The following GFPT1 variants were observed in gnomAD, a reference collection of about 807,000 sequenced individuals.
GFPT1 encodes glutamine--fructose-6-phosphate transaminase 1, also known as glutamine--fructose-6-phosphate aminotransferase [isomerizing] 1.
A neutral mutation model predicts 92.0 loss-of-function variants in GFPT1; 40 were observed. The ratio of observed to expected loss-of-function variants is 0.43; its 90% CI spans 0.34 to 0.57. GFPT1 has a LOEUF of 0.57. Ranked by LOEUF, GFPT1 falls within the 20% of genes least tolerant of loss-of-function variation. The pLI is 0.02. For missense variants in GFPT1, 448 were observed against 869.1 expected, an observed-to-expected ratio of 0.52 and a Z score of 6.09; for synonymous variants, 269 against 280.6, an observed-to-expected ratio of 0.96 and a Z score of 0.41.
At chr2:69,360,041 A>G (rs1456120609) in intron 4 of GFPT1, among the ~76,000 whole-genome samples, 1 of 152,190 alleles carries the variant, frequency 6.6e-6, no homozygotes, top group East Asian at 1.9e-4. Context: ...AAAAACTACC[A>G]ATCCGGCTGA....
intron 4 of GFPT1, among the ~76,000 whole-genome samples, chr2:69,359,892 T>A (rs1671424996): frequency 1.3e-5 from 2 of 152,204 alleles, no homozygotes; most frequent in South Asian, 4.1e-4. Flanking sequence ...GTCAGAAACA[T>A]AAATGTTAAA....
At chr2:69,366,005 G>A (rs1180261773) in intron 3 of GFPT1, among the ~76,000 whole-genome samples, 1 of 151,184 alleles carries the variant, frequency 6.6e-6, no homozygotes, top group Admixed American at 6.6e-5. Flanking sequence ...GTACAGACAG[G>A]GTTTCACCAT....
At chr2:69,380,210 C>T (rs1280580350) in intron 1 of GFPT1, among the ~76,000 whole-genome samples, 3 of 151,920 alleles carry the variant, frequency 2.0e-5, no homozygotes, top group South Asian at 2.1e-4. Flanking sequence ...CATGGTGACG[C>T]GTGCCTGTCC....
Position 69,319,996 on chromosome 2 carries a change from C to A in GFPT1, c.*6193G>T, listed in dbSNP as rs1334320290. ...TATTTCTCTTGCCTAGAAGCTAAAG[C>A]CTTAATTGTCTCAGATATCTTCCAT... On this transcript the variant is annotated 3_prime_UTR_variant, in exon 20 of 20. Transcript: ENST00000357308. The A allele has an allele frequency of 1.1e-4, 16 of 152,130 alleles. No individual in the cohort carries two copies. Among genetic ancestry groups the A allele is most frequent in the Non-Finnish European group, 1.5e-4 (10 of 68,038 alleles). 9.4% of individuals were successfully genotyped at this position (152,130 alleles called of 1,614,324 possible). A position where few individuals can be genotyped will look rare whatever the true frequency, so the allele number is the denominator to read the frequency against.
rs540303810 is a variant in GFPT1 at position 69,319,802 on chromosome 2, G to T, written c.*6387C>A. On this transcript the variant is annotated 3_prime_UTR_variant, in exon 20 of 20. Coordinates refer to ENST00000357308, the MANE Select transcript of GFPT1 (RefSeq NM_001244710.2). ...ATATTGGATTTACATTTTATTCAAA[G>T]GATAAATACAAAATTAAGAAAGAGT... 43 of 151,992 alleles carry T rather than the reference G, an allele frequency of 2.8e-4. No individual in the cohort carries two copies. Among genetic ancestry groups the T allele is most frequent in the African/African-American group, 1.0e-3 (43 of 41,434 alleles). 9.4% of individuals were successfully genotyped at this position (151,992 alleles called of 1,614,324 possible). A position where few individuals can be genotyped will look rare whatever the true frequency, so the allele number is the denominator to read the frequency against.
chr2:69,327,213 A>T, intron 18 of GFPT1, 138 bp from the exon 19 acceptor site: 1 of 755,874 alleles, frequency 1.3e-6, no homozygotes, highest in Non-Finnish European at 2.4e-6. Flanking sequence ...CTGTGTAGTA[A>T]ATCTGATTGT....
chr2:69,346,898 A>AGTTTTGTTTT (rs144737381), intron 11 of GFPT1, among the ~76,000 whole-genome samples: 1 of 150,978 alleles, frequency 6.6e-6, no homozygotes, highest in East Asian at 2.0e-4. Flanking sequence ...CCCGGCTCAT[A>AGTTTTGTTTT]GTTTTGTTTT....
At chr2:69,352,874 C>CATTTT (rs1170755917) in intron 9 of GFPT1, among the ~76,000 whole-genome samples, 1 of 151,516 alleles carries the variant, frequency 6.6e-6, no homozygotes, top group African/African-American at 2.4e-5. Context: ...GGCGAAACCC[C>CATTTT]GTCTCTACTA....
At chr2:69,350,001 A>T in intron 10 of GFPT1, 77 bp downstream of exon 10, 1 of 960,632 alleles carries the variant, frequency 1.0e-6, no homozygotes, top group Non-Finnish European at 1.7e-6. Flanking sequence ...CTAGACTGAT[A>T]CACAATGACT....
chr2:69,343,728 T>A (rs1671013012), intron 12 of GFPT1, among the ~76,000 whole-genome samples: 1 of 152,190 alleles, frequency 6.6e-6, no homozygotes, highest in African/African-American at 2.4e-5. Context: ...CCTTCTTTTT[T>A]ATCTTAGTTA....
Position 69,386,983 on chromosome 2 carries a change from C to T in GFPT1, c.7+82G>A, listed in dbSNP as rs1672143976. On this transcript the variant is annotated intron_variant, in intron 1 of 19. Transcript: ENST00000357308. ...CGCACCCTCCACACTCCCGCTTCCG[C>T]CCGTCGCCTTGGGCCTTAGCGGCAC... 7.3e-6 allele frequency: 8 copies of T among 1,103,334 alleles called. No individual in the cohort carries two copies. In the East Asian group the frequency reaches 2.1e-4, roughly 29 times the overall value. 68.3% of individuals were successfully genotyped at this position (1,103,334 alleles called of 1,614,324 possible).
intron 3 of GFPT1, among the ~76,000 whole-genome samples, chr2:69,367,445 C>A (rs1377420077): frequency 6.6e-6 from 1 of 152,146 alleles, no homozygotes; most frequent in Non-Finnish European, 1.5e-5. Context: ...ACTGCAACCT[C>A]CGCCTCCTGG....
At chr2:69,338,630 G>A in intron 13 of GFPT1, 65 bp from the exon 14 acceptor site, 2 of 1,533,656 alleles carry the variant, frequency 1.3e-6, no homozygotes, top group Non-Finnish European at 1.8e-6. Context: ...GGACTTCTTT[G>A]GATTCAATGT....
chr2:69,378,340 T>C (rs561132454), intron 1 of GFPT1, among the ~76,000 whole-genome samples: 4 of 152,320 alleles, frequency 2.6e-5, no homozygotes, highest in African/African-American at 9.6e-5. Flanking sequence ...AGTAAGGTAA[T>C]GACAAAAGCC....
chr2:69,351,610 A>G (rs1671209071), intron 9 of GFPT1, among the ~76,000 whole-genome samples: 1 of 152,228 alleles, frequency 6.6e-6, no homozygotes. Flanking sequence ...ATATAATTAT[A>G]TATCTATTAA....
At chr2:69,349,723 C>T (rs1468836509) in intron 10 of GFPT1, among the ~76,000 whole-genome samples, 1 of 152,120 alleles carries the variant, frequency 6.6e-6, no homozygotes, top group African/African-American at 2.4e-5. Context: ...AGCAACTATG[C>T]TATAACTATT....
intron 1 of GFPT1, among the ~76,000 whole-genome samples, chr2:69,386,463 G>C (rs919284584): frequency 6.6e-6 from 1 of 152,116 alleles, no homozygotes; most frequent in African/African-American, 2.4e-5. Context: ...ACATTTGAAG[G>C]CCTCTTCCAC....
At chr2:69,386,668 G>A (rs1178588232) in intron 1 of GFPT1, among the ~76,000 whole-genome samples, 1 of 152,216 alleles carries the variant, frequency 6.6e-6, no homozygotes, top group East Asian at 1.9e-4. Context: ...GTAAGTTCAA[G>A]AGACCTCGCC....
chr2:69,382,006 G>A (rs765262451), intron 1 of GFPT1, among the ~76,000 whole-genome samples: 11 of 151,936 alleles, frequency 7.2e-5, no homozygotes, highest in South Asian at 2.1e-4. Flanking sequence ...TGGGATTACA[G>A]GTGCGTACCA....
Sources: allele counts gnomAD v4.1 joint callset (sites outside exome capture counted in the v4.1 genomes callset), GRCh38; gene constraint gnomAD v4.1.1; transcripts MANE v1.5; gene names NCBI Gene and HGNC (gene_info 2026-07-23, HGNC 2026-07-21).